PIK3C2G: variants seen among roughly 807,000 people sequenced by gnomAD.
The protein encoded by PIK3C2G is phosphatidylinositol-4-phosphate 3-kinase catalytic subunit type 2 gamma.
Under a neutral mutation model 181.1 loss-of-function variants are expected in PIK3C2G, and 168 were observed. That is an observed-to-expected ratio of 0.93 (90% CI 0.82 to 1.05). The LOEUF (loss-of-function observed/expected upper bound fraction) is 1.05, where lower values mean the gene tolerates loss of function less well. PIK3C2G is among the 50% of genes least tolerant of loss of function. The pLI is 0.00. For synonymous variants in PIK3C2G, 573 were observed against 592.2 expected (o/e 0.97, Z 0.47); for missense variants, 1,869 against 1,732.8 (o/e 1.08, Z -1.40).
At chr12:18,449,983 G>C (rs748539152) in intron 18 of PIK3C2G, among the ~76,000 whole-genome samples, 1 of 152,236 alleles carries the variant, frequency 6.6e-6, no homozygotes, top group African/African-American at 2.4e-5. Context: ...ATTCTGACTG[G>C]CATGAGATGG....
At chr12:18,347,791 C>T (rs926731820) in intron 11 of PIK3C2G, among the ~76,000 whole-genome samples, 1 of 151,310 alleles carries the variant, frequency 6.6e-6, no homozygotes, top group Non-Finnish European at 1.5e-5. Context: ...GCACTCCAGC[C>T]TGGGGGACAG....
chr12:18,702,657 GAAT>G, the PIK3C2G span, among the ~76,000 whole-genome samples: 1 of 152,034 alleles, frequency 6.6e-6, no homozygotes, highest in Admixed American at 6.6e-5. Context: ...CATGTATCAA[GAAT>G]ATTATCAGAA....
intron 16 of PIK3C2G, among the ~76,000 whole-genome samples, chr12:18,400,877 T>A (rs930809533): frequency 1.3e-5 from 2 of 151,956 alleles, no homozygotes; most frequent in African/African-American, 4.8e-5. Flanking sequence ...ATATATATAA[T>A]GGAATATATA....
At chr12:18,602,082 A>T (rs1282173177) in intron 30 of PIK3C2G, among the ~76,000 whole-genome samples, 1 of 152,140 alleles carries the variant, frequency 6.6e-6, no homozygotes, top group Admixed American at 6.5e-5. Context: ...GAGACTTCAC[A>T]GGTAGGGGAA....
At chr12:18,261,903 C>T (rs1377587643) in intron 1 of PIK3C2G, among the ~76,000 whole-genome samples, 3 of 152,046 alleles carry the variant, frequency 2.0e-5, no homozygotes, top group Non-Finnish European at 4.4e-5. Flanking sequence ...ACCATTTCAT[C>T]AGAGCCTTGA....
At chr12:18,386,109 G>T (rs923003804) in intron 14 of PIK3C2G, among the ~76,000 whole-genome samples, 1 of 151,918 alleles carries the variant, frequency 6.6e-6, no homozygotes, top group African/African-American at 2.4e-5. Flanking sequence ...TCTGGCTTTG[G>T]TGTTACTGCC....
At chr12:18,710,620 A>T in the PIK3C2G span, among the ~76,000 whole-genome samples, 3 of 152,176 alleles carry the variant, frequency 2.0e-5, no homozygotes, top group African/African-American at 4.8e-5. Flanking sequence ...AAGCAAGAAT[A>T]TCAGAGAAGA....
chr12:18,583,521 T>C (rs1379607790), intron 29 of PIK3C2G, among the ~76,000 whole-genome samples: 1 of 152,014 alleles, frequency 6.6e-6, no homozygotes, highest in Non-Finnish European at 1.5e-5. Flanking sequence ...CTCTGCTGTT[T>C]TGCAGCCCTT....
intron 8 of PIK3C2G, among the ~76,000 whole-genome samples, chr12:18,335,406 A>G (rs1024526780): frequency 1.3e-5 from 2 of 152,028 alleles, no homozygotes; most frequent in African/African-American, 2.4e-5. Flanking sequence ...CAACCCTGAG[A>G]TTTATCTTGC....
chr12:18,620,868 C>T (rs1226290086), intron 31 of PIK3C2G, among the ~76,000 whole-genome samples: 1 of 151,980 alleles, frequency 6.6e-6, no homozygotes, highest in Non-Finnish European at 1.5e-5. Flanking sequence ...GTTATTGACA[C>T]GTTCACGTTG....
the PIK3C2G span, chr12:18,723,318 G>C: frequency 1.4e-3 from 2,304 of 1,609,454 alleles, 29 homozygotes; most frequent in African/African-American, 0.027. Flanking sequence ...TACCTTCTTC[G>C]ATAGGCTCGT....
At chr12:18,287,028 A>G in intron 3 of PIK3C2G, 99 bp downstream of exon 3, 1 of 485,236 alleles carries the variant, frequency 2.1e-6, no homozygotes, top group East Asian at 3.5e-5. Flanking sequence ...TATAAAAGTC[A>G]AAGTCATGTA....
At chr12:18,625,960 T>C (rs915737704) in intron 31 of PIK3C2G, among the ~76,000 whole-genome samples, 2 of 151,912 alleles carry the variant, frequency 1.3e-5, no homozygotes, top group Non-Finnish European at 2.9e-5. Flanking sequence ...TCCTGTATTT[T>C]TTTATCCATT....
At chr12:18,286,534 T>TAAATAACAGTAGTTACC (rs1949452156) in intron 2 of PIK3C2G, among the ~76,000 whole-genome samples, 1 of 152,144 alleles carries the variant, frequency 6.6e-6, no homozygotes, top group African/African-American at 2.4e-5. Flanking sequence ...GATATAAATC[T>TAAATAACAGTAGTTACC]AAATAACAGT....
At chr12:18,293,265 G>A (rs1385534878) in intron 4 of PIK3C2G, among the ~76,000 whole-genome samples, 1 of 151,742 alleles carries the variant, frequency 6.6e-6, no homozygotes, top group Non-Finnish European at 1.5e-5. Flanking sequence ...GAAGAAACTA[G>A]GTCAAAAAGG....
the PIK3C2G span, among the ~76,000 whole-genome samples, chr12:18,658,702 T>C: frequency 6.6e-6 from 1 of 152,168 alleles, no homozygotes; most frequent in Admixed American, 6.6e-5. Flanking sequence ...GTATTTGGAA[T>C]AGATGGCTTG....
In PIK3C2G at chr12:18,581,661, T is replaced by A. The variant is rs1171475686; in HGVS notation, c.4012-12833T>A. Among the ~76,000 whole-genome samples the A allele has an allele frequency of 2.0e-5, 3 of 152,270 alleles. No individual in the cohort carries two copies. In the East Asian group the frequency reaches 5.8e-4, roughly 29 times the overall value. ...GAGTTTGAATCTAAACCCACTACATTTGAGTTGCCTATAAGGCTTCCAGAG... is the reference window on the plus strand; with the variant it reads ...GAGTTTGAATCTAAACCCACTACATATGAGTTGCCTATAAGGCTTCCAGAG... On this transcript the variant is annotated intron_variant, in intron 29 of 32. Coordinates refer to ENST00000538779, the MANE Select transcript of PIK3C2G (RefSeq NM_001288772.2).
chr12:18,694,139 C>A, the PIK3C2G span: 1 of 844,150 alleles, frequency 1.2e-6, no homozygotes, highest in South Asian at 1.6e-5. Flanking sequence ...TGGGTGATTT[C>A]TCAGTCCCTG....
At chr12:18,277,797 G>C (rs950069761) in intron 1 of PIK3C2G, among the ~76,000 whole-genome samples, 7 of 152,072 alleles carry the variant, frequency 4.6e-5, no homozygotes, top group Admixed American at 3.9e-4. Context: ...AGCTGGCAGG[G>C]GCTGTCCTTT....
Sources: gnomAD v4.1 joint callset for allele counts (sites outside exome capture counted in the v4.1 genomes callset) on GRCh38, gnomAD v4.1.1 for gene constraint, MANE v1.5 for transcripts, NCBI Gene and HGNC (gene_info 2026-07-23, HGNC 2026-07-21) for gene names.